Variants in MAP2 observed in about 807,000 individuals in gnomAD.
MAP2 encodes the protein microtubule associated protein 2, also known as microtubule-associated protein 2.
In MAP2, 14 loss-of-function variants were observed where a neutral mutation model predicts 137.6. The ratio of observed to expected loss-of-function variants is 0.10; its 90% CI spans 0.07 to 0.16. The LOEUF (loss-of-function observed/expected upper bound fraction) is 0.16. Ranked by LOEUF, MAP2 falls within the 10% of genes least tolerant of loss-of-function variation. The pLI is 1.00. For synonymous variants in MAP2, 786 were observed against 782.3 expected, an observed-to-expected ratio of 1.00 and a Z score of -0.08; for missense variants, 2,088 against 2,191.5, an observed-to-expected ratio of 0.95 and a Z score of 0.94.
At chr2:209,464,158 T>C (rs1006719091) in intron 1 of MAP2, among the ~76,000 whole-genome samples, 3 of 152,150 alleles carry the variant, frequency 2.0e-5, no homozygotes, top group Non-Finnish European at 4.4e-5. Flanking sequence ...CCATCCCAAA[T>C]TCTTTGAATG....
Position 209,733,612 on chromosome 2 carries a change from CT to C in MAP2, c.*3216del, listed in dbSNP as rs2076069804. ...ACATAGCTGCAATTACAGTTTTCTT[CT>C]ATTTTTCAAGCCACAATAAGGAAAA... On this transcript the variant is annotated 3_prime_UTR_variant, in exon 16 of 16. Transcript: ENST00000682079. The C allele has an allele frequency of 6.6e-6, 1 of 152,062 alleles. No homozygotes were observed. Among genetic ancestry groups the C allele is most frequent in the Non-Finnish European group, 1.5e-5 (1 of 68,002 alleles). The allele number at this position is 152,062 out of a possible 1,614,324, so 9.4% of individuals were successfully genotyped here.
intron 2 of MAP2, among the ~76,000 whole-genome samples, chr2:209,579,023 A>G (rs2075808871): frequency 6.6e-6 from 1 of 152,148 alleles, no homozygotes; most frequent in African/African-American, 2.4e-5. Context: ...AGGAAAATAT[A>G]CATAAATATA....
chr2:209,517,866 T>G (rs115820615), intron 2 of MAP2, among the ~76,000 whole-genome samples: 12,152 of 151,982 alleles, frequency 0.08, 597 homozygotes, highest in East Asian at 0.2. Context: ...AAACAGATTT[T>G]TTTTTTAAAT....
chr2:209,479,228 T>C (rs1316273078), intron 1 of MAP2, among the ~76,000 whole-genome samples: 2 of 152,120 alleles, frequency 1.3e-5, no homozygotes, highest in Non-Finnish European at 2.9e-5. Context: ...AAAAAACATA[T>C]ATCTCTCCTT....
In MAP2 at chr2:209,564,440, G is replaced by T. The variant is rs576230877; in HGVS notation, c.-171-15596G>T. 2.0e-5 allele frequency among the ~76,000 whole-genome samples: 3 copies of T among 151,234 alleles called. No individual in the cohort carries two copies. In the South Asian group the frequency reaches 6.3e-4, roughly 32 times the overall value. ...TGGATTTAATGAACCAGTAGCGCCA[G>T]CATCACCTGGGATGCTAATGAATGC... On this transcript the variant is annotated intron_variant, in intron 2 of 15. Coordinates refer to ENST00000682079, the MANE Select transcript of MAP2 (RefSeq NM_001375505.1).
chr2:209,481,769 A>G (rs1460031800), intron 1 of MAP2, among the ~76,000 whole-genome samples: 4 of 152,218 alleles, frequency 2.6e-5, no homozygotes, highest in Non-Finnish European at 5.9e-5. Context: ...ATGATAGTAG[A>G]ATACATTTTT....
At chr2:209,443,218 T>G (rs1698245868) in intron 1 of MAP2, among the ~76,000 whole-genome samples, 1 of 89,056 alleles carries the variant, frequency 1.1e-5, no homozygotes, top group Non-Finnish European at 3.2e-5. Flanking sequence ...CATTATAGGT[T>G]TTTTTTTTTT....
chr2:209,630,095 C>T (rs1320203647), intron 4 of MAP2, among the ~76,000 whole-genome samples: 1 of 151,994 alleles, frequency 6.6e-6, no homozygotes, highest in African/African-American at 2.4e-5. Flanking sequence ...AAATGGTGGT[C>T]CAGGCATGGT....
intron 1 of MAP2, among the ~76,000 whole-genome samples, chr2:209,507,059 C>T (rs1463370236): frequency 6.6e-6 from 1 of 152,084 alleles, no homozygotes; most frequent in Non-Finnish European, 1.5e-5. Context: ...AGGCACAGTC[C>T]ACTTTTTATA....
chr2:209,552,414 A>T (rs1378355093), intron 2 of MAP2, among the ~76,000 whole-genome samples: 3 of 152,190 alleles, frequency 2.0e-5, no homozygotes, highest in African/African-American at 7.2e-5. Context: ...TATTTAAATA[A>T]TATTGAATTT....
intron 1 of MAP2, among the ~76,000 whole-genome samples, chr2:209,458,722 A>T (rs1008784207): frequency 5.9e-5 from 9 of 152,188 alleles, no homozygotes; most frequent in Non-Finnish European, 1.3e-4. Flanking sequence ...AACCTGAATC[A>T]CACAGGCTGC....
intron 4 of MAP2, among the ~76,000 whole-genome samples, chr2:209,651,356 A>G (rs1248715893): frequency 6.6e-6 from 1 of 152,176 alleles, no homozygotes; most frequent in East Asian, 1.9e-4. Flanking sequence ...CGGATTTGCA[A>G]GTAACTCTCA....
chr2:209,724,562 C>A (rs1282354602), intron 13 of MAP2, among the ~76,000 whole-genome samples: 1 of 151,348 alleles, frequency 6.6e-6, no homozygotes, highest in African/African-American at 2.4e-5. Context: ...CCCAACTGGG[C>A]AGAAGTAGAA....
At position 209,696,937 on chromosome 2, in the gene MAP2, C is replaced by T; in HGVS notation, c.4408C>T (p.Leu1470Phe). ...CATAGCAGTTTATAAGAAGGCTGAA[C>T]TTGCTAAAAAAACAGAAGTTCAGGC... The part of the protein sequence containing the change: ...RKKAVYKKAE[L>F]AKKTEVQAHS... The change falls in exon 10 of 16, where the codon CTT (leucine) becomes TTT (phenylalanine). Residue 1470 changes from leucine (L) to phenylalanine (F), a missense_variant. Coordinates refer to ENST00000682079, the MANE Select transcript of MAP2 (RefSeq NM_001375505.1). The T allele has an allele frequency of 6.2e-7, 1 of 1,605,372 alleles. No homozygotes were observed. Among genetic ancestry groups the T allele is most frequent in the Non-Finnish European group, 8.5e-7 (1 of 1,177,862 alleles).
chr2:209,528,098 T>C (rs1001749614), intron 2 of MAP2, among the ~76,000 whole-genome samples: 3 of 144,660 alleles, frequency 2.1e-5, no homozygotes, highest in Admixed American at 6.8e-5. Flanking sequence ...GAAGCCATCT[T>C]CCCCCCCTGC....
intron 14 of MAP2, among the ~76,000 whole-genome samples, chr2:209,727,689 A>G (rs981160966): frequency 6.6e-5 from 10 of 152,226 alleles, no homozygotes; most frequent in African/African-American, 1.9e-4. Context: ...ACACACTGAA[A>G]TATCTGTTCT....
At chr2:209,679,414 T>G (rs1559541627) in intron 6 of MAP2, among the ~76,000 whole-genome samples, 1 of 151,658 alleles carries the variant, frequency 6.6e-6, no homozygotes, top group Non-Finnish European at 1.5e-5. Context: ...GATAGATAGA[T>G]AGAGAGATGG....
chr2:209,509,611 C>T (rs2061487493), intron 2 of MAP2, among the ~76,000 whole-genome samples: 1 of 151,852 alleles, frequency 6.6e-6, no homozygotes, highest in Non-Finnish European at 1.5e-5. Context: ...TATTAACTCA[C>T]TAGAAACAGC....
intron 1 of MAP2, among the ~76,000 whole-genome samples, chr2:209,462,272 T>A (rs1316991414): frequency 2.0e-5 from 3 of 152,144 alleles, no homozygotes; most frequent in African/African-American, 7.2e-5. Flanking sequence ...AATTAGACCT[T>A]ATCGGGCAAG....
Sources: allele counts gnomAD v4.1 joint callset (sites outside exome capture counted in the v4.1 genomes callset), GRCh38; gene constraint gnomAD v4.1.1; transcripts MANE v1.5; gene names NCBI Gene and HGNC (gene_info 2026-07-23, HGNC 2026-07-21).